BICD2: variants seen among roughly 807,000 people sequenced by gnomAD.
The protein encoded by BICD2 is protein bicaudal D homolog 2.
A neutral mutation model predicts 72.9 loss-of-function variants in BICD2; 25 were observed. The observed-to-expected ratio is 0.34, with a 90% CI of 0.25 to 0.48. The LOEUF (loss-of-function observed/expected upper bound fraction) is 0.48, where lower values mean the gene tolerates loss of function less well. Among genes scored for constraint, BICD2 ranks in the 20% least tolerant of loss-of-function variants. BICD2 has a pLI of 0.99. For synonymous variants in BICD2, 501 were observed against 516.1 expected (o/e 0.97, Z 0.40); for missense variants, 894 against 1,175.2 (o/e 0.76, Z 3.50).
rs999578619 is a variant in BICD2 at position 92,712,612 on chromosome 9, C to T, written c.*2542G>A. 1 of 152,478 alleles carries T rather than the reference C, an allele frequency of 6.6e-6. No homozygotes were observed. The highest frequency in any genetic ancestry group is 2.4e-5 in the African/African-American group (1 of 41,418). 9.4% of individuals were successfully genotyped at this position (152,478 alleles called of 1,614,324 possible). On this transcript the variant is annotated 3_prime_UTR_variant, in exon 7 of 7. Coordinates refer to ENST00000356884, the MANE Select transcript of BICD2 (RefSeq NM_001003800.2). ...AAAATTCTGTTAATCAGTCATGCTT[C>T]ACAACGTCCTAAAACCCAGAAAATT...
At chr9:92,740,166 CAG>C (rs1434297930) in intron 1 of BICD2, among the ~76,000 whole-genome samples, 1 of 152,066 alleles carries the variant, frequency 6.6e-6, no homozygotes, top group African/African-American at 2.4e-5. Context: ...TCAGAACTGG[CAG>C]AGACATGAAG....
In BICD2 at chr9:92,719,241, G is replaced by A. The variant is rs377002671; in HGVS notation, c.1404C>T (p.Ala468=). The change falls in exon 5 of 7, where the codon GCC becomes GCT. Residue 468 remains alanine (A), a synonymous_variant. Transcript: ENST00000356884. ...STHEAREAQH[A]EEKGRYEAEG... ...CAGCCTCATAGCGGCCCTTCTCCTC[G>A]GCGTGCTGGGCCTCACGAGCCTCGT... is the stretch of plus-strand genomic sequence containing the variant. 1.5e-5 allele frequency: 24 copies of A among 1,612,356 alleles called. No homozygotes were observed. The highest frequency in any genetic ancestry group is 2.2e-5 in the East Asian group (1 of 44,890).
chr9:92,729,919 A>G (rs1853645654), intron 1 of BICD2, among the ~76,000 whole-genome samples: 1 of 152,186 alleles, frequency 6.6e-6, no homozygotes, highest in South Asian at 2.1e-4. Context: ...TATGGGTGAG[A>G]TCAACCAGAA....
At chr9:92,758,176 G>A (rs1295308062) in intron 1 of BICD2, among the ~76,000 whole-genome samples, 6 of 150,886 alleles carry the variant, frequency 4.0e-5, no homozygotes, top group South Asian at 2.1e-4. Context: ...TGCACTCCAC[G>A]CTGGGCAACA....
intron 1 of BICD2, among the ~76,000 whole-genome samples, chr9:92,749,264 GCTGCAGGACCAGCCCAGGCCCAAGCCCCT>G (rs1230261277): frequency 1.4e-4 from 21 of 152,200 alleles, no homozygotes; most frequent in Non-Finnish European, 2.8e-4. Context: ...CAAGCTGTAC[GCTGCAGGACCAGCCCAGGCCCAAGCCCCT>G]CTGCAGGCCC....
intron 6 of BICD2, among the ~76,000 whole-genome samples, chr9:92,715,898 G>A (rs761004873): frequency 7.9e-5 from 12 of 152,208 alleles, no homozygotes; most frequent in Admixed American, 2.0e-4. Context: ...GGGTGTGGAT[G>A]TAAATCTAAG....
intron 1 of BICD2, among the ~76,000 whole-genome samples, chr9:92,736,690 C>T (rs540675365): frequency 4.2e-4 from 64 of 152,290 alleles, no homozygotes; most frequent in African/African-American, 1.5e-3. Flanking sequence ...GATTCAAGAA[C>T]CCTCTCTTGG....
Position 92,719,040 on chromosome 9 carries a change from G to A in BICD2, c.1605C>T (p.Ala535=). 1 of 1,612,758 alleles carries A rather than the reference G, an allele frequency of 6.2e-7. No individual in the cohort carries two copies. The highest frequency in any genetic ancestry group is 1.1e-5 in the South Asian group (1 of 91,070). The change falls in exon 5 of 7, where the codon GCC becomes GCT. Residue 535 remains alanine (A), a synonymous_variant. Coordinates refer to ENST00000356884, the MANE Select transcript of BICD2 (RefSeq NM_001003800.2). ...DELVTFSEEL[A]NLYHHVCMCN... is the part of the protein sequence containing the mutation. Reference sequence around the variant, plus strand: ...ACATGCACACGTGGTGGTAGAGATTGGCCAGCTCCTCACTGAAGGTCACCA... The same window carrying A: ...ACATGCACACGTGGTGGTAGAGATTAGCCAGCTCCTCACTGAAGGTCACCA...
chr9:92,753,705 AT>A (rs1291310731), intron 1 of BICD2, among the ~76,000 whole-genome samples: 1 of 151,420 alleles, frequency 6.6e-6, no homozygotes, highest in East Asian at 2.0e-4. Flanking sequence ...AGGCCGGCTA[AT>A]TTTTTTGTAT....
chr9:92,745,950 C>T (rs990058358), intron 1 of BICD2, among the ~76,000 whole-genome samples: 1 of 152,216 alleles, frequency 6.6e-6, no homozygotes, highest in Non-Finnish European at 1.5e-5. Flanking sequence ...GGTGCATGAA[C>T]ATCTGGGACT....
At chr9:92,741,472 C>T (rs1442556413) in intron 1 of BICD2, among the ~76,000 whole-genome samples, 1 of 152,204 alleles carries the variant, frequency 6.6e-6, no homozygotes, top group African/African-American at 2.4e-5. Context: ...CTGCCACAAA[C>T]TAATATTTTT....
At chr9:92,730,174 C>T (rs1222360058) in intron 1 of BICD2, among the ~76,000 whole-genome samples, 1 of 152,162 alleles carries the variant, frequency 6.6e-6, no homozygotes, top group Non-Finnish European at 1.5e-5. Context: ...AGTGTGTCAC[C>T]CCCAGCAGCC....
intron 1 of BICD2, among the ~76,000 whole-genome samples, chr9:92,747,193 A>G (rs1307293243): frequency 6.6e-6 from 1 of 152,182 alleles, no homozygotes; most frequent in African/African-American, 2.4e-5. Context: ...TCTCAGAGCC[A>G]GTATGTCACC....
chr9:92,757,437 A>G (rs908043866), intron 1 of BICD2, among the ~76,000 whole-genome samples: 5 of 152,160 alleles, frequency 3.3e-5, no homozygotes, highest in Non-Finnish European at 7.3e-5. Flanking sequence ...AAACTGGGGA[A>G]ATCCAAACAC....
At position 92,764,595 on chromosome 9, in the gene BICD2, C is replaced by T. The variant is rs186133837; in HGVS notation, c.150G>A (p.Val50=). 2.5e-5 allele frequency: 39 copies of T among 1,580,834 alleles called. No individual in the cohort carries two copies. In the East Asian group the frequency reaches 8.1e-4, roughly 33 times the overall value. The change falls in exon 1 of 7, where the codon GTG becomes GTA. Residue 50 remains valine, a synonymous_variant. Transcript: ENST00000356884. This position sits in a 1 kb window ranked among gnomAD's most constrained non-coding sequence, Gnocchi z 5.5. ...GCTTGAGCTGGTGCTTCTCCTCGAG[C>T]ACCGCCAGCCCGTACTCGGCCGCCT... ...KIQAAEYGLA[V]LEEKHQLKLQ... is the part of the protein sequence containing the mutation.
In BICD2 at chr9:92,764,436, G is replaced by A; in HGVS notation, c.240+69C>T. Reference sequence around the variant, plus strand: ...TTGGCAAGCTGACCTTGGCCGCCCTGGTGCCAGGGACGACGCCCACAGGCC... The same window carrying A: ...TTGGCAAGCTGACCTTGGCCGCCCTAGTGCCAGGGACGACGCCCACAGGCC... On this transcript the variant is annotated intron_variant, in intron 1 of 6. Transcript: ENST00000356884. This position sits in a 1 kb window ranked among gnomAD's most constrained non-coding sequence, Gnocchi z 5.5. 1 of 1,405,876 alleles carries A rather than the reference G, an allele frequency of 7.1e-7. No homozygotes were observed. The highest frequency in any genetic ancestry group is 9.3e-7 in the Non-Finnish European group (1 of 1,079,412). The allele number at this position is 1,405,876 out of a possible 1,614,324, so 87.1% of individuals were successfully genotyped here.
intron 1 of BICD2, among the ~76,000 whole-genome samples, chr9:92,756,957 C>A (rs547207067): frequency 6.6e-6 from 1 of 152,200 alleles, no homozygotes; most frequent in East Asian, 1.9e-4. Context: ...CCGGCACCCT[C>A]CACAGCATAA....
rs767670894 is a variant in BICD2, at chr9:92,717,943, G to A, written c.2112C>T (p.Ala704=). Residue 704 remains alanine (A), a synonymous_variant, in exon 6 of 7, where the codon GCC becomes GCT. Transcript: ENST00000356884. ...TCTTCAGGTTGGCAAGGGCCACCTCGGCCGTCTGGGGGACAGATGTGTAGG... is the reference window on the plus strand; with the variant it reads ...TCTTCAGGTTGGCAAGGGCCACCTCAGCCGTCTGGGGGACAGATGTGTAGG... ...RTVLKANKQT[A]EVALANLKSK... 63 of 1,612,922 alleles carry A rather than the reference G, an allele frequency of 3.9e-5. No homozygotes were observed. Among genetic ancestry groups the A allele is most frequent in the Admixed American group, 2.7e-4 (16 of 59,900 alleles).
intron 1 of BICD2, among the ~76,000 whole-genome samples, chr9:92,733,696 G>A (rs777150818): frequency 2.6e-5 from 4 of 151,978 alleles, no homozygotes; most frequent in Non-Finnish European, 5.9e-5. Flanking sequence ...GGCTGGGTGC[G>A]GTGGCTCATG....
Sources: allele counts gnomAD v4.1 joint callset (sites outside exome capture counted in the v4.1 genomes callset), GRCh38; gene constraint gnomAD v4.1.1; non-coding constraint Gnocchi (gnomAD v3.1); transcripts MANE v1.5; gene names NCBI Gene and HGNC (gene_info 2026-07-23, HGNC 2026-07-21).